The following VARS1 variants were observed in gnomAD, a reference collection of about 807,000 sequenced individuals.
VARS1 encodes valyl-tRNA synthetase 1, also known as valine--tRNA ligase.
In VARS1, 92 loss-of-function variants were observed where a neutral mutation model predicts 161.0. That is an observed-to-expected ratio of 0.57 (90% CI 0.48 to 0.68). VARS1 has a LOEUF of 0.68. VARS1 is among the 30% of genes least tolerant of loss of function. VARS1 has a pLI of 0.00. For synonymous variants in VARS1, 595 were observed against 682.5 expected, an observed-to-expected ratio of 0.87 and a Z score of 2.00; for missense variants, 1,338 against 1,695.9, an observed-to-expected ratio of 0.79 and a Z score of 3.71.
In VARS1 at chr6:31,777,521, T is replaced by G; in HGVS notation, c.*73A>C. On this transcript the variant is annotated 3_prime_UTR_variant, in exon 30 of 30. Coordinates refer to ENST00000375663, the MANE Select transcript of VARS1 (RefSeq NM_006295.3). This position sits in a 1 kb window ranked among gnomAD's most constrained non-coding sequence, Gnocchi z 5.8. ...CCCACCACAGACGACAAGAGGATTT[T>G]GTGGGAAAATATTTTATTGCTGCCA... 6.3e-7 allele frequency: 1 copy of G among 1,589,664 alleles called. No homozygotes were observed. The highest frequency in any genetic ancestry group is 8.6e-7 in the Non-Finnish European group (1 of 1,159,760).
chr6:31,795,012 AC>A lies in VARS1; in HGVS notation c.205del (p.Val69CysfsTer39), dbSNP rs1388296430. On this transcript the variant is annotated frameshift_variant, in exon 2 of 30. Coordinates refer to ENST00000375663, the MANE Select transcript of VARS1 (RefSeq NM_006295.3). LOFTEE classifies it high-confidence loss of function. This position sits in a 1 kb window ranked among gnomAD's most constrained non-coding sequence, Gnocchi z 6.9. ...ALEQGPGGLWVWGATAVAQLL... is the reference protein window; with the variant it reads ...ALEQGPGGLWXWGATAVAQLL... ...CTGGGCCACAGCCGTGGCCCCCCAC[AC>A]CCAGAGCCCACCGGGCCCCTGCTCC... 6.3e-7 allele frequency: 1 copy of A among 1,589,412 alleles called. No individual in the cohort carries two copies. The highest frequency in any genetic ancestry group is 8.6e-7 in the Non-Finnish European group (1 of 1,165,724).
Position 31,781,217 on chromosome 6 carries a change from G to T in VARS1, c.2545-94C>A. ...GACTGTGTCTGGTCTACCCCACTGT[G>T]AACCTCAGGTCCCACTGAGTGTCCC... On this transcript the variant is annotated intron_variant, in intron 21 of 29. Transcript: ENST00000375663. The surrounding 1 kb of genome is among the most constrained non-coding windows in gnomAD (Gnocchi z 6.8). 1 of 1,428,632 alleles carries T rather than the reference G, an allele frequency of 7.0e-7. No homozygotes were observed. The highest frequency in any genetic ancestry group is 9.7e-7 in the Non-Finnish European group (1 of 1,032,960). The allele number at this position is 1,428,632 out of a possible 1,614,324, so 88.5% of individuals were successfully genotyped here. A position where few individuals can be genotyped will look rare whatever the true frequency, so the allele number is the denominator to read the frequency against.
chr6:31,780,756 C>G lies in VARS1; in HGVS notation c.2746G>C (p.Glu916Gln). The change falls in exon 24 of 30, where the codon GAA becomes CAA. Residue 916 changes from glutamate (E) to glutamine (Q), a missense_variant. Around this residue, in one of 3 missense-constraint regions of VARS1, gnomAD observed 433 missense variants for 586.2 expected, o/e 0.74. Transcript: ENST00000375663. This position sits in a 1 kb window ranked among gnomAD's most constrained non-coding sequence, Gnocchi z 5.1. ...AACCGGAGAGCATCGGTGCCACATT[C>G]AGGAATCCCCGCTGGGAAGTCAGCT... ...QKADFPAGIP[E>Q]CGTDALRFGL... 1.2e-6 allele frequency: 2 copies of G among 1,614,224 alleles called. No individual in the cohort carries two copies. Among genetic ancestry groups the G allele is most frequent in the African/African-American group, 1.3e-5 (1 of 75,066 alleles).
At position 31,781,051 on chromosome 6, in the gene VARS1, G is replaced by A; in HGVS notation, c.2617C>T (p.Pro873Ser). ...MSKSLGNVID[P>S]LDVIYGISLQ... ...GAGATTCCATAGATGACGTCCAGGG[G>A]ATCGATGACATTGCCTAGAGACTTG... Residue 873 changes from proline to serine, a missense_variant, in exon 22 of 30, where the codon CCC becomes TCC. Physicochemically the swap from Pro to Ser is moderately conservative, Grantham distance 74. Around this residue, in one of 3 missense-constraint regions of VARS1, gnomAD observed 433 missense variants for 586.2 expected, o/e 0.74. Coordinates refer to ENST00000375663, the MANE Select transcript of VARS1 (RefSeq NM_006295.3). The surrounding 1 kb of genome is among the most constrained non-coding windows in gnomAD (Gnocchi z 6.8). The A allele has an allele frequency of 6.2e-7, 1 of 1,613,924 alleles. No homozygotes were observed. Among genetic ancestry groups the A allele is most frequent in the Non-Finnish European group, 8.5e-7 (1 of 1,180,036 alleles).
chr6:31,785,451 ACT>A lies in VARS1; in HGVS notation c.1265+116_1265+117del. On this transcript the variant is annotated intron_variant, in intron 9 of 29. Transcript: ENST00000375663. This position sits in a 1 kb window ranked among gnomAD's most constrained non-coding sequence, Gnocchi z 6.1. ...TTTACCTGGGCCCTAGAGCCAACTG[ACT>A]CTGCCTCTGTGGGAGGGTCTGACCC... is the stretch of plus-strand genomic sequence containing the variant. The A allele has an allele frequency of 2.0e-6, 3 of 1,523,788 alleles. No individual in the cohort carries two copies. The highest frequency in any genetic ancestry group is 2.4e-5 in the South Asian group (2 of 82,878). The allele number at this position is 1,523,788 out of a possible 1,614,324, so 94.4% of individuals were successfully genotyped here.
rs1399577323 is a variant in VARS1, at chr6:31,781,493, C to T, written c.2532G>A (p.Leu844=). 6.2e-7 allele frequency: 1 copy of T among 1,612,514 alleles called. No individual in the cohort carries two copies. Among genetic ancestry groups the T allele is most frequent in the African/African-American group, 1.3e-5 (1 of 74,922 alleles). ...VMLGLKLTGR[L]PFREVYLHAI... Reference sequence around the variant, plus strand: ...GCTGTCTCCGCACCTCTCTAAAGGGCAGCCTGCCCGTGAGCTTCAGGCCCA... The same window carrying T: ...GCTGTCTCCGCACCTCTCTAAAGGGTAGCCTGCCCGTGAGCTTCAGGCCCA... Residue 844 remains leucine, a synonymous_variant, in exon 21 of 30, where the codon CTG becomes CTA. Transcript: ENST00000375663. The surrounding 1 kb of genome is among the most constrained non-coding windows in gnomAD (Gnocchi z 6.8).
At position 31,782,738 on chromosome 6, in the gene VARS1, C is replaced by T; in HGVS notation, c.1870G>A (p.Val624Met). The T allele has an allele frequency of 6.2e-7, 1 of 1,613,016 alleles. No individual in the cohort carries two copies. Among genetic ancestry groups the T allele is most frequent in the Non-Finnish European group, 8.5e-7 (1 of 1,179,998 alleles). The change falls in exon 15 of 30, where the codon GTG becomes ATG. Residue 624 changes from valine to methionine, a missense_variant. Val to Met is a conservative substitution (Grantham distance 21). This residue lies in a region of VARS1 where 902 missense variants were observed against 1,090.3 expected (regional missense o/e 0.83). Transcript: ENST00000375663. This position sits in a 1 kb window ranked among gnomAD's most constrained non-coding sequence, Gnocchi z 8.3. The stretch of plus-strand genomic sequence containing the variant: ...AGCCTCACCAGGAAAGGCGGAGGCA[C>T]ATTGATGAGGGCCCCCCGGGAGTCC... ...IMDSRGALIN[V>M]PPPFLGLPRF...
At chr6:31,789,542 C>A (rs1049265437) in intron 8 of VARS1, among the ~76,000 whole-genome samples, 2 of 152,196 alleles carry the variant, frequency 1.3e-5, no homozygotes, top group African/African-American at 4.8e-5. Context: ...TTCTGCAGGG[C>A]AACTTGGCAG....
In VARS1 at chr6:31,777,617, C is replaced by T. The variant is rs1330119096; in HGVS notation, c.3772G>A (p.Ala1258Thr). The T allele has an allele frequency of 1.1e-5, 18 of 1,614,060 alleles. No homozygotes were observed. The highest frequency in any genetic ancestry group is 1.7e-5 in the Admixed American group (1 of 60,014). ...GATCACAGCATCTTCTGGAATAGGG[C>T]GATGGCCTCATCCACCTTCCTGAGC... The part of the protein sequence containing the change: ...AELRKVDEAI[A>T]LFQKML Residue 1258 changes from alanine to threonine, a missense_variant, in exon 30 of 30, where the codon GCC (alanine) becomes ACC (threonine). Coordinates refer to ENST00000375663, the MANE Select transcript of VARS1 (RefSeq NM_006295.3). The surrounding 1 kb of genome is among the most constrained non-coding windows in gnomAD (Gnocchi z 5.8).
chr6:31,781,233 T>C lies in VARS1; in HGVS notation c.2545-110A>G. The C allele has an allele frequency of 7.5e-7, 1 of 1,336,408 alleles. No homozygotes were observed. The highest frequency in any genetic ancestry group is 2.4e-5 in the East Asian group (1 of 41,618). 82.8% of individuals were successfully genotyped at this position (1,336,408 alleles called of 1,614,324 possible). On this transcript the variant is annotated intron_variant, in intron 21 of 29. Transcript: ENST00000375663. This position sits in a 1 kb window ranked among gnomAD's most constrained non-coding sequence, Gnocchi z 6.8. The stretch of plus-strand genomic sequence containing the variant: ...CCCCACTGTGAACCTCAGGTCCCAC[T>C]GAGTGTCCCCAAGAGCTCGTTGAGC...
rs755183593 is a variant in VARS1 at position 31,779,246 on chromosome 6, C to T, written c.3447G>A (p.Ala1149=). Residue 1149 remains alanine (A), a synonymous_variant, in exon 29 of 30, where the codon GCG becomes GCA. Transcript: ENST00000375663. This position sits in a 1 kb window ranked among gnomAD's most constrained non-coding sequence, Gnocchi z 9.1. ...ADEATGALAS[A]VSGYVQALAS... ...CCAGGGCCTGCACGTAGCCCGACAC[C>T]GCCGATGCCAGGGCGCCCGTGGCCT... The T allele has an allele frequency of 1.4e-5, 23 of 1,605,338 alleles. No homozygotes were observed. The highest frequency in any genetic ancestry group is 1.7e-5 in the Non-Finnish European group (20 of 1,179,564).
At position 31,791,662 on chromosome 6, in the gene VARS1, G is replaced by A. The variant is rs750427258; in HGVS notation, c.1048C>T (p.Leu350=). ...TTGGTGAGTGCATGGCCCAGGTGCAGGGAGCCTGTCACATTGGGGGGTGGG... is the reference window on the plus strand; with the variant it reads ...TTGGTGAGTGCATGGCCCAGGTGCAAGGAGCCTGTCACATTGGGGGGTGGG... ...CIPPPNVTGS[L]HLGHALTNAI... Residue 350 remains leucine (L), a synonymous_variant, in exon 8 of 30, where the codon CTG becomes TTG. Transcript: ENST00000375663. This position sits in a 1 kb window ranked among gnomAD's most constrained non-coding sequence, Gnocchi z 5.0. 62 of 1,612,916 alleles carry A rather than the reference G, an allele frequency of 3.8e-5. No individual in the cohort carries two copies. The highest frequency in any genetic ancestry group is 5.2e-5 in the Non-Finnish European group (61 of 1,180,004).
At chr6:31,787,918 A>C (rs1813607773) in intron 8 of VARS1, among the ~76,000 whole-genome samples, 1 of 152,094 alleles carries the variant, frequency 6.6e-6, no homozygotes. Flanking sequence ...GGAGATCGAG[A>C]CCATCTTGGC....
In VARS1 at chr6:31,781,912, G is replaced by A. The variant is rs138353806; in HGVS notation, c.2282C>T (p.Ala761Val). 2.4e-5 allele frequency: 38 copies of A among 1,612,780 alleles called. No homozygotes were observed. The East Asian group carries it at 4.9e-4, about 21-fold the overall frequency. Residue 761 changes from alanine to valine, a missense_variant, in exon 19 of 30, where the codon GCG (alanine) becomes GTG (valine). Coordinates refer to ENST00000375663, the MANE Select transcript of VARS1 (RefSeq NM_006295.3). This position sits in a 1 kb window ranked among gnomAD's most constrained non-coding sequence, Gnocchi z 6.8. ...CTTGGCTGCCTTCTCCCGGGCCTCC[G>A]CCTCATTGCGTCCACTCACCCAGTA... ...GRYWVSGRNE[A>V]EAREKAAKEF... is the part of the protein sequence containing the mutation.
At chr6:31,788,351 T>C (rs1813641777) in intron 8 of VARS1, among the ~76,000 whole-genome samples, 1 of 150,150 alleles carries the variant, frequency 6.7e-6, no homozygotes, top group Non-Finnish European at 1.5e-5. Flanking sequence ...AATACAAAAA[T>C]TAGCCAGGTG....
chr6:31,792,384 C>T lies in VARS1; in HGVS notation c.786+8G>A, dbSNP rs745763132. 1.4e-5 allele frequency: 23 copies of T among 1,613,888 alleles called. No individual in the cohort carries two copies. Among genetic ancestry groups the T allele is most frequent in the South Asian group, 2.2e-5 (2 of 91,082 alleles). ...TCAACTTTCCTTCCAGCTCCACCCT[C>T]GCCTCACCTCCCCTGGAGGTGGCTG... On this transcript the variant is annotated splice_region_variant and intron_variant, in intron 5 of 29. Transcript: ENST00000375663.
At position 31,792,886 on chromosome 6, in the gene VARS1, G is replaced by A; in HGVS notation, c.532C>T (p.Pro178Ser). 1 of 1,614,130 alleles carries A rather than the reference G, an allele frequency of 6.2e-7. No individual in the cohort carries two copies. Among genetic ancestry groups the A allele is most frequent in the Non-Finnish European group, 8.5e-7 (1 of 1,180,032 alleles). ...LLLPFRYVLD[P>S]PARRIWNNVT... is the part of the protein sequence containing the mutation. ...TTATTCCAGATCCGGCGGGCAGGTG[G>A]GTCTAGGACCTGGAACAGGAAATAA... Residue 178 changes from proline (P) to serine (S), a missense_variant, in exon 4 of 30, where the codon CCA becomes TCA. Around this residue, in one of 3 missense-constraint regions of VARS1, gnomAD observed 902 missense variants for 1,090.3 expected, o/e 0.83. Coordinates refer to ENST00000375663, the MANE Select transcript of VARS1 (RefSeq NM_006295.3).
chr6:31,784,627 A>G lies in VARS1; in HGVS notation c.1435T>C (p.Cys479Arg). Residue 479 changes from cysteine to arginine, a missense_variant, in exon 11 of 30, where the codon TGC becomes CGC. Physicochemically the swap from Cys to Arg is radical, Grantham distance 180. This residue lies in a region of VARS1 where 902 missense variants were observed against 1,090.3 expected (regional missense o/e 0.83). Transcript: ENST00000375663. The surrounding 1 kb of genome is among the most constrained non-coding windows in gnomAD (Gnocchi z 6.1). ...YRSTRLVNWS[C>R]TLNSAISDIE... Reference sequence around the variant, plus strand: ...TCAGAGATGGCGGAGTTGAGGGTGCAGGACCAGTTAACAAGGCGGGTACTG... The same window carrying G: ...TCAGAGATGGCGGAGTTGAGGGTGCGGGACCAGTTAACAAGGCGGGTACTG... The G allele has an allele frequency of 6.2e-7, 1 of 1,613,198 alleles. No homozygotes were observed. Among genetic ancestry groups the G allele is most frequent in the South Asian group, 1.1e-5 (1 of 91,086 alleles).
rs1212194665 is a variant in VARS1, at chr6:31,795,441, G to A, written c.-34+105C>T. On this transcript the variant is annotated intron_variant, in intron 1 of 29. Transcript: ENST00000375663. The surrounding 1 kb of genome is among the most constrained non-coding windows in gnomAD (Gnocchi z 6.9). ...GGGGCAGTGTCAGTGGGGAGTTCCT[G>A]GGGAAGAGGAACTATCCACCATCGC... The A allele has an allele frequency of 2.5e-6, 1 of 398,708 alleles. No homozygotes were observed. Among genetic ancestry groups the A allele is most frequent in the Non-Finnish European group, 4.4e-6 (1 of 227,338 alleles). The allele number at this position is 398,708 out of a possible 1,614,324, so 24.7% of individuals were successfully genotyped here.
Sources: allele counts gnomAD v4.1 joint callset (sites outside exome capture counted in the v4.1 genomes callset), GRCh38; gene constraint gnomAD v4.1.1; regional missense constraint gnomAD v4.1.1; non-coding constraint Gnocchi (gnomAD v3.1); transcripts MANE v1.5; gene names NCBI Gene and HGNC (gene_info 2026-07-23, HGNC 2026-07-21).